Variants in DFFB observed in about 807,000 individuals in gnomAD.
DFFB encodes DNA fragmentation factor subunit beta.
In DFFB, 29 loss-of-function variants were observed where a neutral mutation model predicts 32.7. The ratio of observed to expected loss-of-function variants is 0.89; its 90% CI spans 0.66 to 1.21. The LOEUF (loss-of-function observed/expected upper bound fraction) is 1.21. DFFB is among the 50% of genes most tolerant of loss of function. The probability of loss-of-function intolerance (pLI) is 0.00; values close to 1 mark genes in which losing one functional copy is unlikely to be tolerated. For synonymous variants in DFFB, 170 were observed against 177.1 expected, an observed-to-expected ratio of 0.96 and a Z score of 0.32; for missense variants, 398 against 440.6, an observed-to-expected ratio of 0.90 and a Z score of 0.87.
chr1:3,869,582 C>G (rs35969031), intron 4 of DFFB, 23 bp from the exon 5 acceptor site: 164,914 of 1,593,832 alleles, frequency 0.1, 9,176 homozygotes, highest in East Asian at 0.21. Flanking sequence ...ACCAGGCTCA[C>G]CGACGTTCCT....
At chr1:3,866,956 C>T (rs59455391) in intron 3 of DFFB, among the ~76,000 whole-genome samples, 4,310 of 152,186 alleles carry the variant, frequency 0.028, 220 homozygotes, top group African/African-American at 0.098. Flanking sequence ...AGTGCAGTGG[C>T]GCGATCTTGG....
chr1:3,876,926 C>T (rs1193452162), intron 6 of DFFB, among the ~76,000 whole-genome samples: 5 of 152,174 alleles, frequency 3.3e-5, no homozygotes, highest in Non-Finnish European at 7.4e-5. Context: ...GGCCCCTGGG[C>T]GGAAGGTGGC....
At position 3,857,657 on chromosome 1, in the gene DFFB, G is replaced by T. The variant is rs762567083; in HGVS notation, c.54G>T (p.Lys18Asn). ...TGCGGGCCCTGCGCAGCCCGAGGAA[G>T]TTCGGCGTGGCTGGCCGGAGCTGCC... The part of the protein sequence containing the change: ...VKLRALRSPR[K>N]FGVAGRSCQE... Residue 18 changes from lysine (K) to asparagine (N), a missense_variant, in exon 1 of 7, where the codon AAG (lysine) becomes AAT (asparagine). Physicochemically the swap from Lys to Asn is moderately conservative, Grantham distance 94. Coordinates refer to ENST00000378209, the MANE Select transcript of DFFB (RefSeq NM_004402.4). 1.3e-5 allele frequency: 20 copies of T among 1,599,728 alleles called. No homozygotes were observed. Among genetic ancestry groups the T allele is most frequent in the Non-Finnish European group, 1.6e-5 (19 of 1,173,794 alleles).
chr1:3,882,376 T>C (rs1251414665), intron 6 of DFFB, among the ~76,000 whole-genome samples: 2 of 152,018 alleles, frequency 1.3e-5, no homozygotes, highest in Non-Finnish European at 2.9e-5. Context: ...TTGTTTTCTT[T>C]TTTTTTTCAG....
At chr1:3,863,074 G>A (rs1432770787) in intron 2 of DFFB, among the ~76,000 whole-genome samples, 12 of 152,172 alleles carry the variant, frequency 7.9e-5, no homozygotes, top group East Asian at 5.8e-4. Flanking sequence ...GCTTGAACCG[G>A]GGAGGTGGAG....
At chr1:3,869,924 G>A (rs1340552021) in intron 5 of DFFB, 149 bp downstream of exon 5, 5 of 850,306 alleles carry the variant, frequency 5.9e-6, no homozygotes, top group South Asian at 2.1e-5. Flanking sequence ...CAGGGAGGGC[G>A]GCAGTGTCTC....
intron 3 of DFFB, among the ~76,000 whole-genome samples, chr1:3,867,335 G>A (rs936328630): frequency 3.3e-5 from 5 of 152,172 alleles, no homozygotes; most frequent in South Asian, 2.1e-4. Context: ...TGTTCACTCC[G>A]CTGCGTGTAG....
At chr1:3,871,106 C>T (rs74527819) in intron 5 of DFFB, among the ~76,000 whole-genome samples, 8 of 152,022 alleles carry the variant, frequency 5.3e-5, no homozygotes, top group Non-Finnish European at 7.4e-5. Context: ...TTGCTTCTCA[C>T]GCGCTGGTCC....
intron 2 of DFFB, among the ~76,000 whole-genome samples, chr1:3,860,815 G>A (rs1467254578): frequency 5.3e-5 from 8 of 152,014 alleles, no homozygotes; most frequent in Non-Finnish European, 8.8e-5. Flanking sequence ...TCCCTAGCCC[G>A]TAGCAACTGC....
rs143919670 is a variant in DFFB at position 3,858,822 on chromosome 1, C to T, written c.219C>T (p.Thr73=). 4 of 1,613,858 alleles carry T rather than the reference C, an allele frequency of 2.5e-6. No individual in the cohort carries two copies. The African/African-American group carries it at 5.3e-5, about 22-fold the overall frequency. The change falls in exon 2 of 7, where the codon ACC becomes ACT. Residue 73 remains threonine (T), a synonymous_variant. Transcript: ENST00000378209. ...ACAACGCCGAGCTGGTGCTGCTCAC[C>T]TTGGGCCAGGCCTGGCAGGGCTGTG... ...VPDNAELVLL[T]LGQAWQGYVS...
At chr1:3,873,397 G>A (rs529267511) in intron 6 of DFFB, among the ~76,000 whole-genome samples, 1 of 152,110 alleles carries the variant, frequency 6.6e-6, no homozygotes, top group African/African-American at 2.4e-5. Flanking sequence ...CCTGAAATCC[G>A]AAGTGCTCCA....
At chr1:3,881,070 G>A (rs368279707) in intron 6 of DFFB, among the ~76,000 whole-genome samples, 6 of 152,200 alleles carry the variant, frequency 3.9e-5, no homozygotes, top group African/African-American at 4.8e-5. Context: ...GCTTGTCCAC[G>A]TGACACCAGT....
intron 6 of DFFB, among the ~76,000 whole-genome samples, chr1:3,879,245 T>C (rs1645287134): frequency 6.6e-6 from 1 of 152,212 alleles, no homozygotes; most frequent in South Asian, 2.1e-4. Context: ...TCTGCGTTGA[T>C]GAGGTGTGGC....
intron 6 of DFFB, among the ~76,000 whole-genome samples, chr1:3,882,663 C>A (rs571647966): frequency 6.6e-6 from 1 of 152,246 alleles, no homozygotes; most frequent in Non-Finnish European, 1.5e-5. Flanking sequence ...CTGCGCCTGG[C>A]CTCATTTGTT....
intron 6 of DFFB, among the ~76,000 whole-genome samples, chr1:3,873,477 ATTTTTTTT>A (rs201543955): frequency 7.2e-6 from 1 of 138,776 alleles, no homozygotes; most frequent in Non-Finnish European, 1.6e-5. Context: ...AGGATTTGGG[ATTTTTTTT>A]TTTTTTTTTC....
intron 6 of DFFB, among the ~76,000 whole-genome samples, chr1:3,880,630 A>C (rs1645316830): frequency 1.3e-5 from 2 of 150,644 alleles, no homozygotes; most frequent in African/African-American, 4.9e-5. Flanking sequence ...CTTCAGTGGG[A>C]AGTGCTTCCC....
chr1:3,859,702 G>T (rs1028519159), intron 2 of DFFB, among the ~76,000 whole-genome samples: 3 of 152,234 alleles, frequency 2.0e-5, no homozygotes, highest in African/African-American at 7.2e-5. Flanking sequence ...TCTGGTGTGT[G>T]CTCCAAGGTT....
At chr1:3,867,249 C>T (rs1383258229) in intron 3 of DFFB, among the ~76,000 whole-genome samples, 3 of 152,138 alleles carry the variant, frequency 2.0e-5, no homozygotes, top group Non-Finnish European at 4.4e-5. Flanking sequence ...CATACCACGC[C>T]ATCTATTCAC....
rs760490486 is a variant in DFFB, at chr1:3,868,073, G to C, written c.510+20G>C. 2 of 1,611,772 alleles carry C rather than the reference G, an allele frequency of 1.2e-6. No homozygotes were observed. Among genetic ancestry groups the C allele is most frequent in the African/African-American group, 2.7e-5 (2 of 74,862 alleles). On this transcript the variant is annotated intron_variant, in intron 4 of 6. Transcript: ENST00000378209. ...AGGGAGGTGAGCCTGAGTGAAGACCGGGTATGCTGGGCGGGTTTTTGAAGC... is the reference window on the plus strand; with the variant it reads ...AGGGAGGTGAGCCTGAGTGAAGACCCGGTATGCTGGGCGGGTTTTTGAAGC...
Sources: allele counts gnomAD v4.1 joint callset (sites outside exome capture counted in the v4.1 genomes callset), GRCh38; gene constraint gnomAD v4.1.1; transcripts MANE v1.5; gene names NCBI Gene and HGNC (gene_info 2026-07-23, HGNC 2026-07-21).